CRIM1: variants seen among roughly 807,000 people sequenced by gnomAD.
CRIM1 encodes the protein cysteine-rich motor neuron 1 protein.
In CRIM1, 32 loss-of-function variants were observed where a neutral mutation model predicts 116.4. That is an observed-to-expected ratio of 0.27 (90% CI 0.21 to 0.37). The LOEUF (loss-of-function observed/expected upper bound fraction) is 0.37, where lower values mean the gene tolerates loss of function less well. Among genes scored for constraint, CRIM1 ranks in the 10% least tolerant of loss-of-function variants. CRIM1 has a pLI of 1.00. For missense variants in CRIM1, 1,331 were observed against 1,354.8 expected, an observed-to-expected ratio of 0.98 and a Z score of 0.28; for synonymous variants, 590 against 509.2, an observed-to-expected ratio of 1.16 and a Z score of -2.13.
chr2:36,415,477 T>C (rs1408062964), intron 2 of CRIM1, among the ~76,000 whole-genome samples: 1 of 152,240 alleles, frequency 6.6e-6, no homozygotes, highest in East Asian at 1.9e-4. Context: ...GCTGTTTCTC[T>C]GACCTTTGGA....
intron 2 of CRIM1, among the ~76,000 whole-genome samples, chr2:36,409,154 T>C (rs2148410232): frequency 6.6e-6 from 1 of 152,344 alleles, no homozygotes; most frequent in East Asian, 1.9e-4. Context: ...CTCCAGTTCT[T>C]GTTGAAGGTT....
chr2:36,399,797 A>G (rs1290518092), intron 2 of CRIM1, among the ~76,000 whole-genome samples: 3 of 152,230 alleles, frequency 2.0e-5, no homozygotes, highest in Non-Finnish European at 4.4e-5. Flanking sequence ...AGGGAAGTAT[A>G]AAAGAAGGTC....
intron 11 of CRIM1, among the ~76,000 whole-genome samples, 198 bp from the exon 12 acceptor site, chr2:36,517,129 G>A (rs1284221558): frequency 6.6e-5 from 10 of 152,082 alleles, no homozygotes; most frequent in East Asian, 1.9e-4. Context: ...TGAACCTCAC[G>A]TCCTAATATT....
intron 2 of CRIM1, 93 bp downstream of exon 2, chr2:36,396,880 C>G (rs1558537576): frequency 9.1e-7 from 1 of 1,104,578 alleles, no homozygotes; most frequent in Non-Finnish European, 1.3e-6. Flanking sequence ...AAGGCAAAGA[C>G]AAGTTTACAG....
chr2:36,432,620 C>T (rs1674983422), intron 2 of CRIM1, among the ~76,000 whole-genome samples: 1 of 152,080 alleles, frequency 6.6e-6, no homozygotes, highest in South Asian at 2.1e-4. Flanking sequence ...TTCCTTCCTC[C>T]CAGGAAGCTC....
At chr2:36,413,141 A>G (rs375992333) in intron 2 of CRIM1, among the ~76,000 whole-genome samples, 1 of 152,216 alleles carries the variant, frequency 6.6e-6, no homozygotes, top group East Asian at 1.9e-4. Flanking sequence ...AGAAATATAA[A>G]TAAATCATGT....
intron 1 of CRIM1, among the ~76,000 whole-genome samples, chr2:36,388,245 C>A (rs1330468825): frequency 6.6e-6 from 1 of 152,054 alleles, no homozygotes; most frequent in Admixed American, 6.6e-5. Flanking sequence ...GCTAGTAAAT[C>A]CTCTAAGAAT....
intron 2 of CRIM1, among the ~76,000 whole-genome samples, chr2:36,433,589 C>G (rs1206573527): frequency 6.6e-6 from 1 of 152,130 alleles, no homozygotes; most frequent in Non-Finnish European, 1.5e-5. Flanking sequence ...TAGAATCACC[C>G]TGGGAGCTAT....
intron 16 of CRIM1, among the ~76,000 whole-genome samples, chr2:36,547,843 C>T (rs1422104536): frequency 6.6e-6 from 1 of 152,142 alleles, no homozygotes; most frequent in Non-Finnish European, 1.5e-5. Context: ...AATCATAATC[C>T]CTTCCAACTC....
At chr2:36,455,739 C>A (rs192085032) in intron 4 of CRIM1, among the ~76,000 whole-genome samples, 3 of 152,090 alleles carry the variant, frequency 2.0e-5, no homozygotes, top group Non-Finnish European at 4.4e-5. Context: ...GAAATAGAAT[C>A]TTTAGGGGAG....
At chr2:36,370,909 C>T (rs1163037219) in intron 1 of CRIM1, among the ~76,000 whole-genome samples, 1 of 152,174 alleles carries the variant, frequency 6.6e-6, no homozygotes, top group Non-Finnish European at 1.5e-5. Context: ...TAAAAGCCCA[C>T]AGGTAAGGGA....
chr2:36,386,448 G>T (rs1463141376), intron 1 of CRIM1, among the ~76,000 whole-genome samples: 2 of 152,176 alleles, frequency 1.3e-5, no homozygotes, highest in Non-Finnish European at 2.9e-5. Flanking sequence ...TCACAAGTAG[G>T]AAGACTGAGA....
chr2:36,439,897 G>A (rs1175208800), intron 2 of CRIM1, among the ~76,000 whole-genome samples: 1 of 152,170 alleles, frequency 6.6e-6, no homozygotes, highest in Non-Finnish European at 1.5e-5. Flanking sequence ...AGGAACCTGT[G>A]TCTTTCCTCT....
intron 4 of CRIM1, among the ~76,000 whole-genome samples, chr2:36,464,327 A>G (rs969240416): frequency 4.6e-5 from 7 of 152,226 alleles, no homozygotes; most frequent in Non-Finnish European, 7.3e-5. Flanking sequence ...ATTGGGGTGT[A>G]CATAAAGGAG....
intron 14 of CRIM1, among the ~76,000 whole-genome samples, chr2:36,541,339 CCT>C (rs1480865821): frequency 1.3e-5 from 2 of 152,188 alleles, no homozygotes; most frequent in Admixed American, 6.5e-5. Context: ...TTCTGAATAT[CCT>C]CTTTCTTTAC....
intron 4 of CRIM1, among the ~76,000 whole-genome samples, chr2:36,462,422 C>G (rs1398584404): frequency 6.6e-6 from 1 of 152,206 alleles, no homozygotes; most frequent in Non-Finnish European, 1.5e-5. Context: ...GGAAAAAAGA[C>G]TTCATGGCAG....
chr2:36,487,587 G>T (rs1679920978), intron 7 of CRIM1, among the ~76,000 whole-genome samples: 1 of 148,888 alleles, frequency 6.7e-6, no homozygotes, highest in South Asian at 2.1e-4. Flanking sequence ...GGCCGATCTA[G>T]CTGAGTAAAA....
At chr2:36,495,484 T>TATTTA (rs200768831) in intron 7 of CRIM1, among the ~76,000 whole-genome samples, 102 of 148,138 alleles carry the variant, frequency 6.9e-4, no homozygotes, top group African/African-American at 2.4e-3. Flanking sequence ...TATTTTTTTT[T>TATTTA]TTTTTTTTTT....
chr2:36,429,155 T>C (rs1351402263), intron 2 of CRIM1, among the ~76,000 whole-genome samples: 1 of 152,222 alleles, frequency 6.6e-6, no homozygotes, highest in Non-Finnish European at 1.5e-5. Flanking sequence ...ATAACATTTA[T>C]AGAATTAAAT....
Sources: allele counts gnomAD v4.1 joint callset (sites outside exome capture counted in the v4.1 genomes callset), GRCh38; gene constraint gnomAD v4.1.1; transcripts MANE v1.5; gene names NCBI Gene and HGNC (gene_info 2026-07-23, HGNC 2026-07-21).